The following ANKRD36B variants were observed in gnomAD, a reference collection of about 807,000 sequenced individuals.
ANKRD36B encodes ankyrin repeat domain-containing protein 36B.
Under a neutral mutation model 135.7 loss-of-function variants are expected in ANKRD36B, and 37 were observed. The ratio of observed to expected loss-of-function variants is 0.27; its 90% CI spans 0.21 to 0.36. The LOEUF is 0.36. Ranked by LOEUF, ANKRD36B falls within the 10% of genes least tolerant of loss-of-function variation. The pLI is 1.00. For synonymous variants in ANKRD36B, 179 were observed against 348.1 expected (o/e 0.51, Z 5.41); for missense variants, 549 against 1,037.1 (o/e 0.53, Z 6.46).
rs1356368824 is a variant in ANKRD36B, at chr2:97,528,769, C to T, written c.2265+3542G>A. Among the ~76,000 whole-genome samples the T allele has an allele frequency of 2.1e-5, 2 of 95,632 alleles. 1 individual carries two copies. Among genetic ancestry groups the T allele is most frequent in the South Asian group, 4.7e-4 (2 of 4,260 alleles). 62.7% of individuals were successfully genotyped at this position (95,632 alleles called of 152,430 possible). ...TACAAACTACCATCAGAGAATACTA[C>T]AAACACCTCTATGCAAATAAACTAG... On this transcript the variant is annotated intron_variant, in intron 35 of 43. Coordinates refer to ENST00000359901, the MANE Select transcript of ANKRD36B (RefSeq NM_001393939.1).
At chr2:97,524,393 T>C (rs2078082297) in intron 35 of ANKRD36B, 1 of 96,302 alleles carries the variant, frequency 1.0e-5, no homozygotes, top group African/African-American at 3.1e-5. Flanking sequence ...ACTTTCAGTA[T>C]CATTATAAAA....
chr2:97,543,914 C>T, intron 25 of ANKRD36B, 43 bp downstream of exon 25: 1 of 183,112 alleles, frequency 5.5e-6, no homozygotes. Flanking sequence ...GTTTCATAGA[C>T]CACACAGTTA....
intron 6 of ANKRD36B, among the ~76,000 whole-genome samples, chr2:97,573,518 C>T (rs1429519371): frequency 6.6e-6 from 1 of 152,050 alleles, no homozygotes; most frequent in Non-Finnish European, 1.5e-5. Flanking sequence ...TGACTTTCTT[C>T]ACAGAATTGG....
At chr2:97,574,181 C>G (rs2082073952) in intron 6 of ANKRD36B, among the ~76,000 whole-genome samples, 1 of 151,998 alleles carries the variant, frequency 6.6e-6, no homozygotes, top group South Asian at 2.1e-4. Context: ...AGAGCTCAAA[C>G]AAATTTACAA....
intron 5 of ANKRD36B, 61 bp downstream of exon 5, chr2:97,578,845 T>C (rs2082393002): frequency 1.3e-6 from 2 of 1,577,174 alleles, no homozygotes; most frequent in Non-Finnish European, 1.7e-6. Flanking sequence ...TAAGATGCAA[T>C]TGTTACAATT....
intron 16 of ANKRD36B, among the ~76,000 whole-genome samples, chr2:97,552,619 G>A (rs190379113): frequency 6.6e-6 from 1 of 151,934 alleles, no homozygotes; most frequent in East Asian, 2.0e-4. Context: ...CATGTGAAGT[G>A]AGTTCACTCA....
intron 10 of ANKRD36B, 66 bp from the exon 11 acceptor site, chr2:97,557,198 G>T: frequency 6.7e-7 from 1 of 1,494,704 alleles, no homozygotes; most frequent in Non-Finnish European, 9.0e-7. Context: ...ATACATTCAT[G>T]CAGTGTTAGC....
At chr2:97,569,333 C>T (rs2081661319) in intron 6 of ANKRD36B, among the ~76,000 whole-genome samples, 1 of 152,084 alleles carries the variant, frequency 6.6e-6, no homozygotes, top group South Asian at 2.1e-4. Flanking sequence ...AAGATATCCA[C>T]TATGTTATCC....
chr2:97,575,834 GA>G (rs1381038755), intron 6 of ANKRD36B, among the ~76,000 whole-genome samples: 1 of 151,970 alleles, frequency 6.6e-6, no homozygotes, highest in Non-Finnish European at 1.5e-5. Flanking sequence ...GAACTACAAG[GA>G]AACTACAGCT....
rs1042500418 is a variant in ANKRD36B at position 97,514,074 on chromosome 2, C to T, written c.2622-711G>A. 8.1e-5 allele frequency among the ~76,000 whole-genome samples: 11 copies of T among 136,144 alleles called. 1 individual carries two copies. Among genetic ancestry groups the T allele is most frequent in the Non-Finnish European group, 1.0e-4 (7 of 67,158 alleles). 89.3% of individuals were successfully genotyped at this position (136,144 alleles called of 152,430 possible). A position where few individuals can be genotyped will look rare whatever the true frequency, so the allele number is the denominator to read the frequency against. On this transcript the variant is annotated intron_variant, in intron 37 of 43. Transcript: ENST00000359901. ...TCTCAGGACCTCCTGAGGGCTGTGT[C>T]GGGGGCCACGGTCACTCATATTTGG... is the stretch of plus-strand genomic sequence containing the variant.
At chr2:97,554,604 T>C (rs1189288382) in intron 14 of ANKRD36B, among the ~76,000 whole-genome samples, 1 of 151,914 alleles carries the variant, frequency 6.6e-6, no homozygotes, top group Non-Finnish European at 1.5e-5. Flanking sequence ...ACAACCCTCT[T>C]CCTTGAGGAA....
In ANKRD36B at chr2:97,527,693, T is replaced by C. The variant is rs1239604729; in HGVS notation, c.2266-4226A>G. 3.2e-5 allele frequency among the ~76,000 whole-genome samples: 3 copies of C among 94,300 alleles called. 1 individual carries two copies. Among genetic ancestry groups the C allele is most frequent in the Non-Finnish European group, 5.6e-5 (2 of 35,552 alleles). 61.9% of individuals were successfully genotyped at this position (94,300 alleles called of 152,430 possible). On this transcript the variant is annotated intron_variant, in intron 35 of 43. Transcript: ENST00000359901. ...TGCAGAGACACACATAGGTTCAAAA[T>C]AAAAGGATGGAGGAAGATCTACCAA...
At chr2:97,573,132 C>T (rs1304044219) in intron 6 of ANKRD36B, among the ~76,000 whole-genome samples, 1 of 151,930 alleles carries the variant, frequency 6.6e-6, no homozygotes, top group African/African-American at 2.4e-5. Context: ...TCTCATTGTT[C>T]AATTCCCAGC....
chr2:97,559,576 T>A (rs570788474), intron 8 of ANKRD36B, among the ~76,000 whole-genome samples: 1 of 152,112 alleles, frequency 6.6e-6, no homozygotes, highest in East Asian at 1.9e-4. Context: ...CCATGTGGTA[T>A]AATAATTTGC....
At chr2:97,528,555 G>C (rs2078359853) in intron 35 of ANKRD36B, among the ~76,000 whole-genome samples, 1 of 92,280 alleles carries the variant, frequency 1.1e-5, no homozygotes. Flanking sequence ...ACTAAAATCA[G>C]AGCAGAACTG....
intron 6 of ANKRD36B, among the ~76,000 whole-genome samples, chr2:97,568,624 C>A (rs1258109268): frequency 9.9e-5 from 15 of 152,092 alleles, no homozygotes; most frequent in Admixed American, 9.8e-4. Flanking sequence ...ACAGCTTATC[C>A]AATCTGAGTG....
intron 24 of ANKRD36B, among the ~76,000 whole-genome samples, chr2:97,545,230 C>T (rs1159317262): frequency 1.0e-5 from 1 of 96,042 alleles, no homozygotes; most frequent in Non-Finnish European, 2.8e-5. Context: ...AAAATAATTG[C>T]TACATCACTG....
Position 97,585,415 on chromosome 2 carries a change from A to C in ANKRD36B, c.162-17T>G. ...AGGGCAGTCCTGTGAGAGTGACAGG[A>C]CTTTTTAAAACATGTAACTGTAAGC... On this transcript the variant is annotated splice_polypyrimidine_tract_variant and intron_variant, in intron 1 of 43. Coordinates refer to ENST00000359901, the MANE Select transcript of ANKRD36B (RefSeq NM_001393939.1). 1 of 1,553,682 alleles carries C rather than the reference A, an allele frequency of 6.4e-7. No individual in the cohort carries two copies. The highest frequency in any genetic ancestry group is 8.7e-7 in the Non-Finnish European group (1 of 1,147,906).
At chr2:97,553,560 C>T (rs548365678) in intron 14 of ANKRD36B, among the ~76,000 whole-genome samples, 189 bp from the exon 15 acceptor site, 5 of 151,980 alleles carry the variant, frequency 3.3e-5, no homozygotes, top group East Asian at 3.9e-4. Context: ...AGATGTGTCA[C>T]GATACATTCC....
Sources: gnomAD v4.1 joint callset for allele counts (sites outside exome capture counted in the v4.1 genomes callset) on GRCh38, gnomAD v4.1.1 for gene constraint, MANE v1.5 for transcripts, NCBI Gene and HGNC (gene_info 2026-07-23, HGNC 2026-07-21) for gene names.